The following ANK2 variants were observed in gnomAD, a reference collection of about 807,000 sequenced individuals.
The protein encoded by ANK2 is ankyrin 2.
ANK2 carries 83 observed loss-of-function variants against 360.5 expected under a neutral mutation model. That is an observed-to-expected ratio of 0.23 (90% CI 0.19 to 0.28). ANK2 has a LOEUF of 0.28. Among genes scored for constraint, ANK2 ranks in the 10% least tolerant of loss-of-function variants. The pLI, the probability that ANK2 is intolerant of heterozygous loss-of-function variation, is 1.00. For synonymous variants in ANK2, 1,740 were observed against 1,759.5 expected (o/e 0.99, Z 0.28); for missense variants, 4,201 against 4,795.7 (o/e 0.88, Z 3.66).
chr4:113,271,008 T>C (rs895981061), intron 14 of ANK2, among the ~76,000 whole-genome samples: 2 of 152,218 alleles, frequency 1.3e-5, no homozygotes, highest in Non-Finnish European at 2.9e-5. Flanking sequence ...AGAGGATTCC[T>C]GTGTTGTAGG....
intron 40 of ANK2, among the ~76,000 whole-genome samples, chr4:113,363,729 C>T (rs1439517404): frequency 6.6e-6 from 1 of 152,090 alleles, no homozygotes; most frequent in Admixed American, 6.6e-5. Flanking sequence ...CCCAGTATTC[C>T]AGTTTCCTCC....
intron 22 of ANK2, among the ~76,000 whole-genome samples, chr4:113,295,692 A>G (rs2070921278): frequency 6.6e-6 from 1 of 152,218 alleles, no homozygotes; most frequent in Non-Finnish European, 1.5e-5. Context: ...AAAATAGAAA[A>G]CATAACAGCA....
intron 14 of ANK2, among the ~76,000 whole-genome samples, chr4:113,271,591 TA>T (rs2058545618): frequency 1.3e-5 from 2 of 152,182 alleles, no homozygotes; most frequent in Non-Finnish European, 2.9e-5. Flanking sequence ...TGTGCCAAGC[TA>T]CTACATTGAG....
Position 113,356,548 on chromosome 4 carries a change from G to A in ANK2, c.7930G>A (p.Glu2644Lys), listed in dbSNP as rs370708144. 2 of 1,613,978 alleles carry A rather than the reference G, an allele frequency of 1.2e-6. No individual in the cohort carries two copies. Among genetic ancestry groups the A allele is most frequent in the Non-Finnish European group, 8.5e-7 (1 of 1,179,994 alleles). Reference sequence around the variant, plus strand: ...TGAACCAAAACATACAGGCAGTGGGGAGGATGAAAGTGGTGTCCCTGTGTT... The same window carrying A: ...TGAACCAAAACATACAGGCAGTGGGAAGGATGAAAGTGGTGTCCCTGTGTT... Reference protein sequence around the residue: ...VDEPKHTGSGEDESGVPVLVT... With the variant: ...VDEPKHTGSGKDESGVPVLVT... The change falls in exon 38 of 46, where the codon GAG (glutamate) becomes AAG (lysine). Residue 2644 changes from glutamate to lysine, a missense_variant. Transcript: ENST00000357077.
At chr4:113,316,898 TG>T (rs2083242062) in intron 24 of ANK2, among the ~76,000 whole-genome samples, 2 of 152,258 alleles carry the variant, frequency 1.3e-5, no homozygotes, top group African/African-American at 4.8e-5. Context: ...ACCTCATTTT[TG>T]GTCAGTGGCC....
At chr4:113,017,127 C>A (rs1187530322) in intron 2 of ANK2, among the ~76,000 whole-genome samples, 1 of 152,134 alleles carries the variant, frequency 6.6e-6, no homozygotes, top group East Asian at 1.9e-4. Flanking sequence ...AGGTTTGTAG[C>A]TAATCTTTGA....
At chr4:113,047,995 C>T (rs1349816662), upstream of ANK2, among the ~76,000 whole-genome samples, 1 of 151,892 alleles carries the variant, frequency 6.6e-6, no homozygotes, top group East Asian at 1.9e-4. Context: ...GGTACACTTT[C>T]AGAGTTGAAA....
At chr4:113,088,800 CAG>C (rs752932223) in intron 1 of ANK2, among the ~76,000 whole-genome samples, 1 of 152,138 alleles carries the variant, frequency 6.6e-6, no homozygotes, top group Non-Finnish European at 1.5e-5. Flanking sequence ...AACTGAGGCT[CAG>C]AGAAGTTGAA....
chr4:112,836,770 C>A (rs959174318), intron 1 of ANK2, among the ~76,000 whole-genome samples: 1 of 152,166 alleles, frequency 6.6e-6, no homozygotes, highest in African/African-American at 2.4e-5. Flanking sequence ...GAAGACATTT[C>A]TAAGCAGCAA....
intron 24 of ANK2, among the ~76,000 whole-genome samples, chr4:113,312,279 G>GAAAA (rs567713285): frequency 3.0e-4 from 36 of 119,746 alleles, no homozygotes; most frequent in African/African-American, 1.3e-3. Flanking sequence ...TCTTGAGACA[G>GAAAA]AAAAAAAAAA....
chr4:113,277,820 G>T lies in ANK2; in HGVS notation c.1684-17G>T, dbSNP rs1308198358. 1.3e-6 allele frequency: 2 copies of T among 1,591,188 alleles called. No individual in the cohort carries two copies. Among genetic ancestry groups the T allele is most frequent in the Admixed American group, 3.3e-5 (2 of 59,970 alleles). On this transcript the variant is annotated splice_polypyrimidine_tract_variant and intron_variant, in intron 15 of 45. Transcript: ENST00000357077. ...CAACAATAAATACGATTTTACTTTT[G>T]TTTCTCACATTTTCAGAAGGGTTTT... is the stretch of plus-strand genomic sequence containing the variant.
chr4:112,809,401 T>A, the ANK2 span, among the ~76,000 whole-genome samples: 1 of 148,632 alleles, frequency 6.7e-6, no homozygotes, highest in East Asian at 2.1e-4. Flanking sequence ...CTCTACTAAA[T>A]ATACAAAAAA....
At chr4:113,233,576 A>C (rs892008390) in intron 5 of ANK2, among the ~76,000 whole-genome samples, 8 of 152,188 alleles carry the variant, frequency 5.3e-5, no homozygotes, top group Non-Finnish European at 1.2e-4. Flanking sequence ...CTTTCTGGAC[A>C]ATTAAGTCTT....
intron 4 of ANK2, among the ~76,000 whole-genome samples, chr4:113,205,691 G>A (rs1200325520): frequency 6.6e-6 from 1 of 152,140 alleles, no homozygotes; most frequent in Non-Finnish European, 1.5e-5. Context: ...GGGGGTGCAT[G>A]CACCCACTAT....
the ANK2 span, among the ~76,000 whole-genome samples, chr4:112,752,156 GT>G: frequency 6.6e-5 from 10 of 152,216 alleles, no homozygotes; most frequent in Admixed American, 2.0e-4. Context: ...ACTGGACACT[GT>G]GTTAGGAGGC....
Position 113,358,534 on chromosome 4 carries a change from G to A in ANK2, c.9916G>A (p.Val3306Ile), listed in dbSNP as rs200922244. ...TACTGAAAGCAAATCCAAAATTCCTGTAAGGACTATGCCCACTTCCACCCC... is the reference window on the plus strand; with the variant it reads ...TACTGAAAGCAAATCCAAAATTCCTATAAGGACTATGCCCACTTCCACCCC... ...PFTESKSKIP[V>I]RTMPTSTPAP... The change falls in exon 38 of 46, where the codon GTA becomes ATA. Residue 3306 changes from valine (V) to isoleucine (I), a missense_variant. By Grantham distance (29) the Val-to-Ile change is conservative. This residue lies in a region of ANK2 where 2,642 missense variants were observed against 2,714.5 expected (regional missense o/e 0.97). Coordinates refer to ENST00000357077, the MANE Select transcript of ANK2 (RefSeq NM_001148.6). The A allele has an allele frequency of 4.6e-5, 74 of 1,613,948 alleles. No individual in the cohort carries two copies. In the Middle Eastern group the frequency reaches 6.6e-4, roughly 14 times the overall value.
At chr4:112,952,285 A>T (rs2095072953) in intron 2 of ANK2, among the ~76,000 whole-genome samples, 1 of 152,222 alleles carries the variant, frequency 6.6e-6, no homozygotes, top group South Asian at 2.1e-4. Context: ...TAAAATAAAT[A>T]GGGAGTGATG....
At chr4:112,749,160 A>G in the ANK2 span, among the ~76,000 whole-genome samples, 1 of 152,108 alleles carries the variant, frequency 6.6e-6, no homozygotes, top group Non-Finnish European at 1.5e-5. Flanking sequence ...TCGGCCTCCC[A>G]CAGTGCTGGG....
At position 113,158,468 on chromosome 4, in the gene ANK2, C is replaced by A. The variant is rs557688512; in HGVS notation, c.85-15948C>A. 3.2e-4 allele frequency among the ~76,000 whole-genome samples: 48 copies of A among 151,670 alleles called. 2 individuals are homozygous for A. The highest frequency in any genetic ancestry group is 3.4e-3 in the Middle Eastern group (1 of 294). On this transcript the variant is annotated intron_variant, in intron 1 of 45. Transcript: ENST00000357077. ...AAAGATGTTATCAGTGGAGGAAACT[C>A]AATTACTAATATATCCTATGATTAT...
Sources: gnomAD v4.1 joint callset for allele counts (sites outside exome capture counted in the v4.1 genomes callset) on GRCh38, gnomAD v4.1.1 for gene constraint, gnomAD v4.1.1 regional missense constraint, MANE v1.5 for transcripts, NCBI Gene and HGNC (gene_info 2026-07-23, HGNC 2026-07-21) for gene names.